The following STPG2 variants were observed in gnomAD, a reference collection of about 807,000 sequenced individuals.
STPG2 encodes sperm-tail PG-rich repeat-containing protein 2.
Under a neutral mutation model 54.2 loss-of-function variants are expected in STPG2, and 56 were observed. That is an observed-to-expected ratio of 1.03 (90% CI 0.83 to 1.29). STPG2 has a LOEUF of 1.29. Among genes scored for constraint, STPG2 ranks in the 50% most tolerant of loss-of-function variants. The probability of loss-of-function intolerance (pLI) is 0.00; values close to 1 mark genes in which losing one functional copy is unlikely to be tolerated. For synonymous variants in STPG2, 200 were observed against 181.8 expected (o/e 1.10, Z -0.81); for missense variants, 596 against 544.9 (o/e 1.09, Z -0.93).
intron 5 of STPG2, among the ~76,000 whole-genome samples, chr4:98,085,271 C>G (rs1738470510): frequency 6.6e-6 from 1 of 152,026 alleles, no homozygotes; most frequent in African/African-American, 2.4e-5. Flanking sequence ...TATTTCTGTA[C>G]TCTCTAATTT....
At chr4:97,510,626 A>G (rs1364217282) in intron 4 of STPG2, among the ~76,000 whole-genome samples, 1 of 151,958 alleles carries the variant, frequency 6.6e-6, no homozygotes, top group Non-Finnish European at 1.5e-5. Flanking sequence ...GGTGGGAGAG[A>G]TGGTTTCAGG....
At chr4:98,033,606 G>A (rs1736673187) in intron 5 of STPG2, among the ~76,000 whole-genome samples, 1 of 152,082 alleles carries the variant, frequency 6.6e-6, no homozygotes, top group Non-Finnish European at 1.5e-5. Flanking sequence ...CATTTTATGA[G>A]GCCAGCATAA....
Position 97,914,412 on chromosome 4 carries a change from T to A in STPG2, c.1044+29485A>T, listed in dbSNP as rs965171255. ...TAAAATACTAGGTCATGAAAAGATTTTTTTTAACTTTTTTTATTGTTGTAA... is the reference window on the plus strand; with the variant it reads ...TAAAATACTAGGTCATGAAAAGATTATTTTTAACTTTTTTTATTGTTGTAA... On this transcript the variant is annotated intron_variant, in intron 8 of 10. Transcript: ENST00000295268. Among the ~76,000 whole-genome samples, 4 of 152,282 alleles carry A rather than the reference T, an allele frequency of 2.6e-5. No individual in the cohort carries two copies. The South Asian group carries it at 8.3e-4, about 32-fold the overall frequency.
chr4:97,970,769 A>C (rs1734297596), intron 7 of STPG2, among the ~76,000 whole-genome samples: 1 of 152,214 alleles, frequency 6.6e-6, no homozygotes, highest in Non-Finnish European at 1.5e-5. Flanking sequence ...TCATGTCTAA[A>C]ACACCAAAAG....
intron 10 of STPG2, among the ~76,000 whole-genome samples, chr4:97,696,624 A>G (rs1723583511): frequency 6.6e-6 from 1 of 152,232 alleles, no homozygotes. Flanking sequence ...CAATCTATAC[A>G]TCTGACAATG....
chr4:97,775,394 T>C (rs1726345156), intron 9 of STPG2, among the ~76,000 whole-genome samples: 1 of 151,972 alleles, frequency 6.6e-6, no homozygotes, highest in African/African-American at 2.4e-5. Context: ...CCTAATGCTA[T>C]CCCTAGAAAT....
intron 4 of STPG2, among the ~76,000 whole-genome samples, chr4:97,507,619 T>G (rs985189453): frequency 1.3e-5 from 2 of 152,076 alleles, no homozygotes; most frequent in African/African-American, 4.8e-5. Flanking sequence ...CCATGCCACT[T>G]GCACTCTTAC....
chr4:97,656,133 T>C (rs1390810468), intron 10 of STPG2, among the ~76,000 whole-genome samples: 4 of 152,130 alleles, frequency 2.6e-5, no homozygotes, highest in African/African-American at 9.7e-5. Context: ...CTTAGAGGCC[T>C]TGAATTTCTC....
chr4:98,083,567 T>C (rs1430200050), intron 5 of STPG2, among the ~76,000 whole-genome samples: 1 of 152,176 alleles, frequency 6.6e-6, no homozygotes, highest in Non-Finnish European at 1.5e-5. Context: ...ATCACATTTA[T>C]CAATTCGTTC....
At chr4:97,640,293 C>A (rs1466075635) in intron 10 of STPG2, among the ~76,000 whole-genome samples, 2 of 151,870 alleles carry the variant, frequency 1.3e-5, no homozygotes, top group Non-Finnish European at 2.9e-5. Context: ...TCTGTAATTG[C>A]AAAACTGAAT....
intron 6 of STPG2, 48 bp from the exon 7 acceptor site, chr4:97,972,488 T>C (rs759711155): frequency 2.6e-6 from 3 of 1,161,954 alleles, no homozygotes; most frequent in East Asian, 5.4e-5. Context: ...TGCTTTTATA[T>C]GCACCTTTTG....
At chr4:98,138,144 G>A (rs1740183541) in intron 1 of STPG2, among the ~76,000 whole-genome samples, 1 of 151,928 alleles carries the variant, frequency 6.6e-6, no homozygotes, top group African/African-American at 2.4e-5. Context: ...GTACAATAAT[G>A]AATAAGATAA....
intron 6 of STPG2, among the ~76,000 whole-genome samples, chr4:97,974,755 A>T (rs1734447164): frequency 6.6e-6 from 1 of 152,130 alleles, no homozygotes; most frequent in South Asian, 2.1e-4. Flanking sequence ...GCCATGTGGA[A>T]CTGTAAGTCC....
At chr4:97,465,601 C>T (rs1729768892) in intron 4 of STPG2, among the ~76,000 whole-genome samples, 1 of 151,948 alleles carries the variant, frequency 6.6e-6, no homozygotes, top group African/African-American at 2.4e-5. Flanking sequence ...GTTCCAGGAA[C>T]CCCAGTGCAT....
At chr4:98,050,315 A>G (rs1489344469) in intron 5 of STPG2, among the ~76,000 whole-genome samples, 3 of 152,250 alleles carry the variant, frequency 2.0e-5, no homozygotes, top group Non-Finnish European at 2.9e-5. Flanking sequence ...TGAAGAAGGA[A>G]AGTAGAAATA....
intron 9 of STPG2, among the ~76,000 whole-genome samples, chr4:97,757,280 C>A (rs545866081): frequency 2.0e-5 from 3 of 152,240 alleles, no homozygotes; most frequent in Admixed American, 6.5e-5. Context: ...GCCTCCCAGA[C>A]CTTCCCCCCA....
intron 4 of STPG2, among the ~76,000 whole-genome samples, chr4:97,466,907 A>G (rs1208835894): frequency 6.6e-6 from 1 of 152,078 alleles, no homozygotes; most frequent in East Asian, 1.9e-4. Flanking sequence ...GTTGAGAAAT[A>G]GTTACAGAGT....
chr4:97,859,780 T>A (rs910258534), intron 8 of STPG2, among the ~76,000 whole-genome samples: 1 of 152,182 alleles, frequency 6.6e-6, no homozygotes, highest in Non-Finnish European at 1.5e-5. Flanking sequence ...TTTGAGTCCT[T>A]GGTCATCAAC....
At chr4:97,565,187 T>C (rs1223363355) in intron 10 of STPG2, among the ~76,000 whole-genome samples, 2 of 152,200 alleles carry the variant, frequency 1.3e-5, no homozygotes. Context: ...ATTCATTTCA[T>C]CTTCCATCAC....
Sources: allele counts gnomAD v4.1 joint callset (sites outside exome capture counted in the v4.1 genomes callset), GRCh38; gene constraint gnomAD v4.1.1; transcripts MANE v1.5; gene names NCBI Gene and HGNC (gene_info 2026-07-23, HGNC 2026-07-21).